The following DYSF variants were observed in gnomAD, a reference collection of about 807,000 sequenced individuals.
DYSF encodes the protein dysferlin.
In DYSF, 212 loss-of-function variants were observed where a neutral mutation model predicts 274.9. The observed-to-expected ratio is 0.77, with a 90% CI of 0.69 to 0.86. The LOEUF (loss-of-function observed/expected upper bound fraction) is 0.86, where lower values mean the gene tolerates loss of function less well. DYSF is among the 40% of genes least tolerant of loss of function. The pLI, the probability that DYSF is intolerant of heterozygous loss-of-function variation, is 0.00. For synonymous variants in DYSF, 1,091 were observed against 1,078.7 expected (o/e 1.01, Z -0.22); for missense variants, 2,666 against 2,783.2 (o/e 0.96, Z 0.95).
chr2:71,544,132 A>T (rs1265479134), intron 17 of DYSF, among the ~76,000 whole-genome samples: 1 of 152,212 alleles, frequency 6.6e-6, no homozygotes, highest in Non-Finnish European at 1.5e-5. Context: ...CATTTTCTGT[A>T]ATATGCAGGT....
At chr2:71,485,640 G>A (rs1302681650) in intron 3 of DYSF, among the ~76,000 whole-genome samples, 1 of 152,094 alleles carries the variant, frequency 6.6e-6, no homozygotes, top group African/African-American at 2.4e-5. Context: ...TGACCAGATG[G>A]CAAAGTACTT....
intron 4 of DYSF, among the ~76,000 whole-genome samples, chr2:71,505,369 C>T (rs928453084): frequency 7.2e-5 from 11 of 152,218 alleles, no homozygotes; most frequent in African/African-American, 2.7e-4. Context: ...GCCCAATCAG[C>T]AGAGCATGCC....
chr2:71,602,749 G>A, intron 35 of DYSF, 27 bp from the exon 36 acceptor site: 2 of 1,611,808 alleles, frequency 1.2e-6, no homozygotes, highest in Non-Finnish European at 8.5e-7. Context: ...TCTCCTGGAT[G>A]TGCCACATCC....
At chr2:71,632,620 C>T (rs1209388649) in intron 41 of DYSF, among the ~76,000 whole-genome samples, 1 of 152,190 alleles carries the variant, frequency 6.6e-6, no homozygotes, top group African/African-American at 2.4e-5. Flanking sequence ...TTGGAATTGT[C>T]ACAGATTCTG....
chr2:71,558,295 G>A (rs775850388), intron 22 of DYSF, among the ~76,000 whole-genome samples: 1 of 152,140 alleles, frequency 6.6e-6, no homozygotes, highest in African/African-American at 2.4e-5. Context: ...TTGAGGGGGA[G>A]GTGAGGCATT....
intron 36 of DYSF, 103 bp from the exon 37 acceptor site, chr2:71,611,142 C>A: frequency 1.1e-6 from 1 of 883,068 alleles, no homozygotes; most frequent in South Asian, 1.4e-5. Flanking sequence ...CTGTTTCTCC[C>A]TGCACTTGGC....
chr2:71,606,315 C>T (rs146920598), intron 36 of DYSF, among the ~76,000 whole-genome samples: 32 of 152,246 alleles, frequency 2.1e-4, no homozygotes, highest in African/African-American at 7.5e-4. Flanking sequence ...TCTCTGCAGC[C>T]GCCCCTGGTC....
Position 71,472,346 on chromosome 2 carries a change from G to A in DYSF, c.91+5413G>A, listed in dbSNP as rs113460540. ...TTATCCTCCTGTCAGCCAAGTATGA[G>A]GGCTTATTTTTCTAATAATCCTGCT... On this transcript the variant is annotated intron_variant, in intron 1 of 55. Coordinates refer to ENST00000410020, the MANE Select transcript of DYSF (RefSeq NM_001130987.2). Among the ~76,000 whole-genome samples, 801 of 152,316 alleles carry A rather than the reference G, an allele frequency of 5.3e-3. 4 individuals are homozygous for A. Among genetic ancestry groups the A allele is most frequent in the Non-Finnish European group, 8.1e-3 (548 of 68,028 alleles).
chr2:71,472,564 G>A (rs748231713), intron 1 of DYSF, among the ~76,000 whole-genome samples: 3 of 152,178 alleles, frequency 2.0e-5, no homozygotes, highest in South Asian at 4.1e-4. Context: ...CCACCACCAC[G>A]CCAGGCTAAT....
intron 3 of DYSF, among the ~76,000 whole-genome samples, chr2:71,490,093 G>T (rs1184968001): frequency 6.6e-6 from 1 of 151,778 alleles, no homozygotes. Flanking sequence ...TGCATGGCCC[G>T]TATGGACACC....
At chr2:71,509,063 C>A (rs1003884895) in intron 4 of DYSF, among the ~76,000 whole-genome samples, 1 of 151,974 alleles carries the variant, frequency 6.6e-6, no homozygotes, top group Non-Finnish European at 1.5e-5. Context: ...ACCATGTTGG[C>A]CAGGCTGGTC....
intron 4 of DYSF, among the ~76,000 whole-genome samples, chr2:71,508,432 T>C (rs565717426): frequency 1.4e-4 from 21 of 152,262 alleles, no homozygotes; most frequent in Non-Finnish European, 2.9e-4. Context: ...GCTCATGTGT[T>C]GCACCTAGTT....
chr2:71,457,599 C>T (rs558239392), intron 1 of DYSF, among the ~76,000 whole-genome samples: 5 of 152,310 alleles, frequency 3.3e-5, no homozygotes, highest in African/African-American at 1.2e-4. Context: ...TGCTTGCTCA[C>T]CCAAGCACAG....
intron 46 of DYSF, among the ~76,000 whole-genome samples, 183 bp from the exon 47 acceptor site, chr2:71,664,979 G>A (rs184195829): frequency 1.3e-5 from 2 of 152,308 alleles, no homozygotes; most frequent in East Asian, 3.9e-4. Flanking sequence ...TTCTCTCTGA[G>A]CCTCCATTTC....
At chr2:71,565,246 C>CTT (rs796705736) in intron 24 of DYSF, among the ~76,000 whole-genome samples, 1,818 of 131,320 alleles carry the variant, frequency 0.014, 57 homozygotes, top group African/African-American at 0.049. Context: ...CCACCCAGCT[C>CTT]TTTTTTTTTT....
At chr2:71,467,168 G>A (rs1325410902) in intron 1 of DYSF, among the ~76,000 whole-genome samples, 1 of 152,244 alleles carries the variant, frequency 6.6e-6, no homozygotes, top group Non-Finnish European at 1.5e-5. Flanking sequence ...AGTGCCGTAG[G>A]TCAGCGGTTA....
intron 40 of DYSF, among the ~76,000 whole-genome samples, chr2:71,617,913 TGTGTGTGTGTGGTAGAG>T (rs1171520412): frequency 8.3e-5 from 2 of 24,226 alleles, no homozygotes; most frequent in East Asian, 2.9e-3. Flanking sequence ...GTGGTAGAGG[TGTGTGTGTGTGGTAGAG>T]GTGTGTGTGT....
chr2:71,589,978 T>C (rs1307444849), intron 31 of DYSF, among the ~76,000 whole-genome samples: 1 of 152,160 alleles, frequency 6.6e-6, no homozygotes, highest in African/African-American at 2.4e-5. Flanking sequence ...CCCCTCTTCC[T>C]CTATCTCTTC....
intron 12 of DYSF, among the ~76,000 whole-genome samples, chr2:71,521,590 G>A (rs2087277603): frequency 6.6e-6 from 1 of 152,104 alleles, no homozygotes; most frequent in Non-Finnish European, 1.5e-5. Flanking sequence ...GTGAGGTGAA[G>A]GTCAGGGGTG....
Sources: gnomAD v4.1 joint callset for allele counts (sites outside exome capture counted in the v4.1 genomes callset) on GRCh38, gnomAD v4.1.1 for gene constraint, MANE v1.5 for transcripts, NCBI Gene and HGNC (gene_info 2026-07-23, HGNC 2026-07-21) for gene names.